The following SOX6 variants were observed in gnomAD, a reference collection of about 807,000 sequenced individuals.
SOX6 encodes the protein transcription factor SOX-6.
Under a neutral mutation model 97.8 loss-of-function variants are expected in SOX6, and 11 were observed. The ratio of observed to expected loss-of-function variants is 0.11; its 90% confidence interval spans 0.07 to 0.19. The LOEUF is 0.19. Ranked by LOEUF, SOX6 falls within the 10% of genes least tolerant of loss-of-function variation. The pLI, the probability that SOX6 is intolerant of heterozygous loss-of-function variation, is 1.00. For missense variants in SOX6, 810 were observed against 1,039.5 expected (o/e 0.78, Z 3.04); for synonymous variants, 360 against 371.4 (o/e 0.97, Z 0.35).
intron 1 of SOX6, among the ~76,000 whole-genome samples, chr11:16,473,299 G>C (rs1387341099): frequency 6.6e-6 from 1 of 152,118 alleles, no homozygotes; most frequent in African/African-American, 2.4e-5. Context: ...CAAACGTTTT[G>C]GTTTCCCAGT....
rs76046261 is a variant in SOX6, at chr11:16,555,818, T to C, written n.609+56263A>G. ...GTGCCCTTGACTAGTTACATAAATA[T>C]GAACAAATTCATATTTACCAATAAT... is the stretch of plus-strand genomic sequence containing the variant. On this transcript the variant is annotated intron_variant and non_coding_transcript_variant, in intron 4 of 5. Coordinates refer to the SOX6 transcript ENST00000524520. Among the ~76,000 whole-genome samples, 1,154 of 151,812 alleles carry C rather than the reference T, an allele frequency of 7.6e-3. 10 individuals are homozygous for C. The highest frequency in any genetic ancestry group is 0.027 in the African/African-American group (1,118 of 41,510).
chr11:15,996,754 T>C (rs1854238858), intron 13 of SOX6, among the ~76,000 whole-genome samples: 1 of 151,552 alleles, frequency 6.6e-6, no homozygotes, highest in Non-Finnish European at 1.5e-5. Context: ...GACAAAAAAC[T>C]GAGGGAACAA....
rs373662065 is a variant in SOX6, at chr11:16,003,773, T to C, written c.1732+11169A>G. On this transcript the variant is annotated intron_variant, in intron 13 of 15. Transcript: ENST00000683767. ...CTGTTAAGTGTCATTTCTTGAAACA[T>C]CTATAAAACAATAATAATTTTGATG... Among the ~76,000 whole-genome samples, 69 of 152,144 alleles carry C rather than the reference T, an allele frequency of 4.5e-4. 1 individual carries two copies. Among genetic ancestry groups the C allele is most frequent in the African/African-American group, 1.6e-3 (65 of 41,530 alleles).
chr11:16,621,747 C>A (rs1202403374), intron 3 of SOX6, among the ~76,000 whole-genome samples: 5 of 152,142 alleles, frequency 3.3e-5, no homozygotes, highest in Non-Finnish European at 7.4e-5. Flanking sequence ...AGCCTTCATT[C>A]TAAGTCATTC....
At chr11:16,491,693 C>G (rs900303278) in intron 4 of SOX6, among the ~76,000 whole-genome samples, 1 of 151,856 alleles carries the variant, frequency 6.6e-6, no homozygotes, top group African/African-American at 2.4e-5. Flanking sequence ...GTAACTGGCA[C>G]AAGAGGAGAA....
intron 6 of SOX6, among the ~76,000 whole-genome samples, chr11:16,160,222 A>G (rs1850712836): frequency 6.6e-6 from 1 of 152,146 alleles, no homozygotes; most frequent in Non-Finnish European, 1.5e-5. Context: ...GTATTGGCCT[A>G]AGAATACTTC....
intron 15 of SOX6, among the ~76,000 whole-genome samples, chr11:15,983,364 TA>T (rs574048012): frequency 6.6e-6 from 1 of 151,956 alleles, no homozygotes; most frequent in Non-Finnish European, 1.5e-5. Flanking sequence ...AGCTAAGTAA[TA>T]AAAAAAACTA....
intron 2 of SOX6, among the ~76,000 whole-genome samples, chr11:16,338,511 C>T (rs188885359): frequency 6.6e-6 from 1 of 151,878 alleles, no homozygotes; most frequent in Non-Finnish European, 1.5e-5. Flanking sequence ...TTGAATCTAT[C>T]CAGTGAAAAA....
chr11:16,331,355 T>G lies in SOX6; in HGVS notation c.237+9657A>C, dbSNP rs77580600. On this transcript the variant is annotated intron_variant, in intron 2 of 15. Coordinates refer to ENST00000683767, the MANE Select transcript of SOX6 (RefSeq NM_001367873.1). ...AATAGAGATGCAACTCTGTTGACAG[T>G]TAAGTCCTTTCAAGGCCCAGTTTGC... Among the ~76,000 whole-genome samples the G allele has an allele frequency of 9.3e-3, 1,413 of 152,290 alleles. 23 individuals are homozygous for G. Among genetic ancestry groups the G allele is most frequent in the African/African-American group, 0.032 (1,320 of 41,560 alleles).
intron 1 of SOX6, among the ~76,000 whole-genome samples, chr11:16,412,830 C>T (rs896035508): frequency 6.6e-6 from 1 of 152,176 alleles, no homozygotes; most frequent in Non-Finnish European, 1.5e-5. Context: ...GACAGTGTTT[C>T]CTTCCCAGTA....
At chr11:16,037,037 G>T (rs1215463861) in intron 12 of SOX6, among the ~76,000 whole-genome samples, 2 of 152,004 alleles carry the variant, frequency 1.3e-5, no homozygotes, top group Non-Finnish European at 2.9e-5. Flanking sequence ...CACTTAAATG[G>T]TCTCAATTTT....
chr11:16,438,839 T>C (rs1429232002), intron 1 of SOX6, among the ~76,000 whole-genome samples: 1 of 152,148 alleles, frequency 6.6e-6, no homozygotes, highest in Non-Finnish European at 1.5e-5. Flanking sequence ...AGAGATCCCC[T>C]TGCTCGCTCC....
At chr11:16,186,025 A>G (rs1032413394) in intron 5 of SOX6, among the ~76,000 whole-genome samples, 3 of 152,186 alleles carry the variant, frequency 2.0e-5, no homozygotes, top group African/African-American at 7.2e-5. Context: ...GGACTACTCT[A>G]TAGGATCATT....
chr11:16,634,251 T>C (rs1041742231), intron 3 of SOX6, among the ~76,000 whole-genome samples: 2 of 151,006 alleles, frequency 1.3e-5, no homozygotes, highest in African/African-American at 2.4e-5. Context: ...TATATGAACA[T>C]AGTAAAATAA....
At chr11:16,070,895 T>C (rs940346605) in intron 9 of SOX6, among the ~76,000 whole-genome samples, 3 of 152,228 alleles carry the variant, frequency 2.0e-5, no homozygotes, top group Non-Finnish European at 4.4e-5. Flanking sequence ...CCAGCCATTT[T>C]ACAGAAGCAA....
chr11:16,610,218 G>A lies in SOX6; in HGVS notation n.609+1863C>T, dbSNP rs1390683229. Among the ~76,000 whole-genome samples the A allele has an allele frequency of 6.6e-6, 1 of 152,220 alleles. No individual in the cohort carries two copies. Among genetic ancestry groups the A allele is most frequent in the Non-Finnish European group, 1.5e-5 (1 of 68,042 alleles). On this transcript the variant is annotated intron_variant and non_coding_transcript_variant, in intron 4 of 5. Coordinates refer to the SOX6 transcript ENST00000524520. This position sits in a 1 kb window ranked among gnomAD's most constrained non-coding sequence, Gnocchi z 4.4. ...AAAGCCTAAAGAGGTCATCATTGAA[G>A]GACCTGTCCTAAATGCCTGCAGAGA...
At chr11:16,280,377 CT>C (rs35710330) in intron 3 of SOX6, among the ~76,000 whole-genome samples, 114,229 of 147,686 alleles carry the variant, frequency 0.77, 44,000 homozygotes, top group Non-Finnish European at 0.79. Context: ...TTTATTTGAG[CT>C]TTTTTTTTTT....
intron 4 of SOX6, among the ~76,000 whole-genome samples, chr11:16,604,977 C>T (rs2133979476): frequency 6.6e-6 from 1 of 152,260 alleles, no homozygotes; most frequent in Non-Finnish European, 1.5e-5. Flanking sequence ...CTCCTCCCGG[C>T]ATCGGAGCAC....
chr11:16,213,774 T>TA (rs886134210), intron 4 of SOX6, among the ~76,000 whole-genome samples: 6 of 151,612 alleles, frequency 4.0e-5, no homozygotes, highest in East Asian at 1.9e-4. Flanking sequence ...TACAAATAAG[T>TA]AAAAAAAAAT....
Sources: gnomAD v4.1 joint callset for allele counts (sites outside exome capture counted in the v4.1 genomes callset) on GRCh38, gnomAD v4.1.1 for gene constraint, Gnocchi (gnomAD v3.1) non-coding constraint, MANE v1.5 for transcripts, NCBI Gene and HGNC (gene_info 2026-07-23, HGNC 2026-07-21) for gene names.